DCDC2C: variants seen among roughly 807,000 people sequenced by gnomAD.
DCDC2C encodes the protein doublecortin domain-containing protein 2C.
A neutral mutation model predicts 45.0 loss-of-function variants in DCDC2C; 44 were observed. The observed-to-expected ratio is 0.98, with a 90% CI of 0.77 to 1.26. The LOEUF is 1.26. DCDC2C is among the 50% of genes most tolerant of loss of function. The pLI, the probability that DCDC2C is intolerant of heterozygous loss-of-function variation, is 0.00. For missense variants in DCDC2C, 447 were observed against 468.9 expected (o/e 0.95, Z 0.43); for synonymous variants, 187 against 178.8 (o/e 1.05, Z -0.37).
chr2:3,831,280 G>A (rs1182659603), intron 10 of DCDC2C, among the ~76,000 whole-genome samples: 2 of 152,202 alleles, frequency 1.3e-5, no homozygotes, highest in East Asian at 3.9e-4. Context: ...GATGGGGTGT[G>A]TTCTGAGAAA....
Position 3,703,846 on chromosome 2 carries a change from A to T in DCDC2C, c.95A>T (p.Lys32Met). The change falls in exon 1 of 11, where the codon AAG (lysine) becomes ATG (methionine). Residue 32 changes from lysine (K) to methionine (M), a missense_variant. Coordinates refer to ENST00000399143, the MANE Select transcript of DCDC2C (RefSeq NM_001287444.2). The surrounding 1 kb of genome is among the most constrained non-coding windows in gnomAD (Gnocchi z 4.4). The stretch of plus-strand genomic sequence containing the variant: ...GGGGACCCGTTCTACGTGGGCAAGA[A>T]GTTCGTGCTGTCGCGGCGCCGCGCG... The part of the protein sequence containing the change: ...RNGDPFYVGK[K>M]FVLSRRRAAT... 4.7e-6 allele frequency: 6 copies of T among 1,281,098 alleles called. No individual in the cohort carries two copies. The highest frequency in any genetic ancestry group is 5.9e-6 in the Non-Finnish European group (6 of 1,009,368). The allele number at this position is 1,281,098 out of a possible 1,614,324, so 79.4% of individuals were successfully genotyped here.
chr2:3,752,632 C>T lies in DCDC2C; in HGVS notation c.546-131C>T, dbSNP rs1027289881. 34 of 1,094,806 alleles carry T rather than the reference C, an allele frequency of 3.1e-5. No individual in the cohort carries two copies. In the Admixed American group the frequency reaches 3.6e-4, roughly 12 times the overall value. The allele number at this position is 1,094,806 out of a possible 1,614,324, so 67.8% of individuals were successfully genotyped here. The stretch of plus-strand genomic sequence containing the variant: ...GTTTAATTGGCCCGTTTGGATAACA[C>T]GTGCTTACGATGAGCACTGTTTCTC... On this transcript the variant is annotated intron_variant, in intron 4 of 10. Coordinates refer to ENST00000399143, the MANE Select transcript of DCDC2C (RefSeq NM_001287444.2).
intron 2 of DCDC2C, among the ~76,000 whole-genome samples, chr2:3,715,183 A>G (rs1165010893): frequency 6.6e-6 from 1 of 152,218 alleles, no homozygotes; most frequent in African/African-American, 2.4e-5. Flanking sequence ...TCTACATGTC[A>G]AGCAATATAT....
Position 3,734,448 on chromosome 2 carries a change from C to T in DCDC2C, c.416+7369C>T, listed in dbSNP as rs534749546. ...TTGGTGACACGGGTGTCACTAACATCCACTAACTAACCACGGGTAAAGGAA... is the reference window on the plus strand; with the variant it reads ...TTGGTGACACGGGTGTCACTAACATTCACTAACTAACCACGGGTAAAGGAA... On this transcript the variant is annotated intron_variant, in intron 3 of 10. Coordinates refer to ENST00000399143, the MANE Select transcript of DCDC2C (RefSeq NM_001287444.2). The surrounding 1 kb of genome is among the most constrained non-coding windows in gnomAD (Gnocchi z 4.2). Among the ~76,000 whole-genome samples the T allele has an allele frequency of 4.5e-4, 68 of 152,208 alleles. 1 individual carries two copies. The highest frequency in any genetic ancestry group is 1.6e-3 in the African/African-American group (66 of 41,522).
At chr2:3,717,773 G>A (rs571837467) in intron 2 of DCDC2C, among the ~76,000 whole-genome samples, 9 of 152,278 alleles carry the variant, frequency 5.9e-5, no homozygotes, top group South Asian at 2.1e-4. Context: ...CTCCCTCTGT[G>A]TCTAGGATCC....
intron 4 of DCDC2C, among the ~76,000 whole-genome samples, chr2:3,746,880 G>T (rs1669379549): frequency 6.6e-6 from 1 of 152,180 alleles, no homozygotes; most frequent in African/African-American, 2.4e-5. Flanking sequence ...ATCTGTCCTG[G>T]GTTCTAAAGA....
At chr2:3,741,869 T>C in intron 3 of DCDC2C, 51 bp from the exon 4 acceptor site, 1 of 1,498,668 alleles carries the variant, frequency 6.7e-7, no homozygotes, top group Non-Finnish European at 8.9e-7. Flanking sequence ...TTTCAATGTT[T>C]CCCCCTCAAA....
rs139541126 is a variant in DCDC2C, at chr2:3,754,484, C to T, written c.684-108C>T. On this transcript the variant is annotated intron_variant, in intron 5 of 10. Coordinates refer to ENST00000399143, the MANE Select transcript of DCDC2C (RefSeq NM_001287444.2). The stretch of plus-strand genomic sequence containing the variant: ...CCGTGTCCTCTGTGGACAGCTTGCT[C>T]CTCCTCGTGGTCACTTCCCTCCTAA... The T allele has an allele frequency of 3.3e-5, 36 of 1,084,094 alleles. No homozygotes were observed. In the African/African-American group the frequency reaches 4.8e-4, roughly 14 times the overall value. 67.2% of individuals were successfully genotyped at this position (1,084,094 alleles called of 1,614,324 possible). A position where few individuals can be genotyped will look rare whatever the true frequency, so the allele number is the denominator to read the frequency against.
chr2:3,829,812 A>T (rs1343965387), intron 10 of DCDC2C, among the ~76,000 whole-genome samples: 1 of 152,178 alleles, frequency 6.6e-6, no homozygotes, highest in African/African-American at 2.4e-5. Flanking sequence ...CACTCACAGA[A>T]TCCTTTCGTC....
intron 2 of DCDC2C, among the ~76,000 whole-genome samples, chr2:3,722,891 AG>A (rs1668537118): frequency 6.6e-6 from 1 of 152,202 alleles, no homozygotes; most frequent in African/African-American, 2.4e-5. Flanking sequence ...AATTTTGCAG[AG>A]GATAATTTCC....
intron 3 of DCDC2C, among the ~76,000 whole-genome samples, chr2:3,730,810 A>C (rs1429833212): frequency 6.6e-6 from 1 of 152,166 alleles, no homozygotes; most frequent in African/African-American, 2.4e-5. Context: ...TTTATGAGAA[A>C]GTTTGCTGCT....
chr2:3,720,900 T>A (rs1668481786), intron 2 of DCDC2C, among the ~76,000 whole-genome samples: 1 of 152,214 alleles, frequency 6.6e-6, no homozygotes, highest in African/African-American at 2.4e-5. Flanking sequence ...TAGCGTTGTC[T>A]TTGTGTGAAG....
chr2:3,707,097 G>T (rs752498585), intron 1 of DCDC2C, among the ~76,000 whole-genome samples: 16 of 152,216 alleles, frequency 1.1e-4, no homozygotes, highest in Middle Eastern at 3.4e-3. Context: ...CCTACTCCCC[G>T]CCCACCTCAG....
chr2:3,710,597 ATAGT>A (rs749301361), intron 2 of DCDC2C, among the ~76,000 whole-genome samples: 2 of 152,114 alleles, frequency 1.3e-5, no homozygotes, highest in Non-Finnish European at 2.9e-5. Context: ...ATAGTATCCA[ATAGT>A]TAGTTTTTCA....
In DCDC2C at chr2:3,758,590, C is replaced by A. The variant is rs546252633; in HGVS notation, c.726+3956C>A. Reference sequence around the variant, plus strand: ...TGTGTAGGACCTGAGACAGGGAGGTCGACACACAAAGTTGCAGCTGCCAGC... The same window carrying A: ...TGTGTAGGACCTGAGACAGGGAGGTAGACACACAAAGTTGCAGCTGCCAGC... On this transcript the variant is annotated intron_variant, in intron 6 of 10. Coordinates refer to ENST00000399143, the MANE Select transcript of DCDC2C (RefSeq NM_001287444.2). Among the ~76,000 whole-genome samples the A allele has an allele frequency of 2.6e-5, 4 of 152,224 alleles. No individual in the cohort carries two copies. The South Asian group carries it at 8.3e-4, about 32-fold the overall frequency.
At chr2:3,798,809 T>C (rs1481297600) in intron 10 of DCDC2C, among the ~76,000 whole-genome samples, 2 of 152,228 alleles carry the variant, frequency 1.3e-5, no homozygotes, top group Non-Finnish European at 2.9e-5. Context: ...TAACATTTTT[T>C]CCTTCATTTC....
chr2:3,722,591 T>G (rs1200938424), intron 2 of DCDC2C, among the ~76,000 whole-genome samples: 1 of 152,218 alleles, frequency 6.6e-6, no homozygotes, highest in African/African-American at 2.4e-5. Context: ...ATGGCGTCCT[T>G]CAGCCTCTCA....
At chr2:3,784,568 T>C (rs1308255396) in intron 9 of DCDC2C, among the ~76,000 whole-genome samples, 2 of 151,862 alleles carry the variant, frequency 1.3e-5, no homozygotes, top group South Asian at 4.1e-4. Context: ...TATATTAATA[T>C]AACAAATATT....
At chr2:3,828,623 A>G (rs1364377274) in intron 10 of DCDC2C, among the ~76,000 whole-genome samples, 3 of 152,168 alleles carry the variant, frequency 2.0e-5, no homozygotes, top group African/African-American at 7.2e-5. Context: ...CAGCAGGCAG[A>G]TTTATTTGGG....
Sources: allele counts gnomAD v4.1 joint callset (sites outside exome capture counted in the v4.1 genomes callset), GRCh38; gene constraint gnomAD v4.1.1; non-coding constraint Gnocchi (gnomAD v3.1); transcripts MANE v1.5; gene names NCBI Gene and HGNC (gene_info 2026-07-23, HGNC 2026-07-21).